Variants in GRIK3 observed in about 807,000 individuals in gnomAD.
GRIK3 encodes the protein glutamate receptor ionotropic, kainate 3.
A neutral mutation model predicts 102.5 loss-of-function variants in GRIK3; 29 were observed. That is an observed-to-expected ratio of 0.28 (90% confidence interval 0.21 to 0.39). The LOEUF (loss-of-function observed/expected upper bound fraction) is 0.39. Among genes scored for constraint, GRIK3 ranks in the 10% least tolerant of loss-of-function variants. GRIK3 has a pLI of 1.00. For synonymous variants in GRIK3, 511 were observed against 504.9 expected (o/e 1.01, Z -0.16); for missense variants, 908 against 1,252.4 (o/e 0.73, Z 4.15).
rs528793904 is a variant in GRIK3, at chr1:36,799,277, C to T, written c.*2574G>A. The T allele has an allele frequency of 6.6e-6, 1 of 152,344 alleles. No homozygotes were observed. The highest frequency in any genetic ancestry group is 2.1e-4 in the South Asian group (1 of 4,810). 9.4% of individuals were successfully genotyped at this position (152,344 alleles called of 1,614,324 possible). A position where few individuals can be genotyped will look rare whatever the true frequency, so the allele number is the denominator to read the frequency against. On this transcript the variant is annotated 3_prime_UTR_variant, in exon 16 of 16. Coordinates refer to ENST00000373091, the MANE Select transcript of GRIK3 (RefSeq NM_000831.4). The stretch of plus-strand genomic sequence containing the variant: ...AACCTCTCTGTGACAAATGATCTCT[C>T]CCATGACAGAAGTGCAAACAGACCC...
chr1:36,835,574 A>G (rs1190034456), intron 10 of GRIK3, among the ~76,000 whole-genome samples: 3 of 152,098 alleles, frequency 2.0e-5, no homozygotes, highest in Admixed American at 6.5e-5. Flanking sequence ...CCCTGGCATC[A>G]CAACCCCTAA....
At position 36,880,240 on chromosome 1, in the gene GRIK3, T is replaced by C. The variant is rs1640956078; in HGVS notation, c.550+394A>G. On this transcript the variant is annotated intron_variant, in intron 3 of 15. Coordinates refer to ENST00000373091, the MANE Select transcript of GRIK3 (RefSeq NM_000831.4). This position sits in a 1 kb window ranked among gnomAD's most constrained non-coding sequence, Gnocchi z 5.4. The stretch of plus-strand genomic sequence containing the variant: ...ACTAGGCCACGCCATAAGCTATGTG[T>C]GTGAGTGTGCAAGTGTGAGGGTGGA... 6.6e-6 allele frequency among the ~76,000 whole-genome samples: 1 copy of C among 152,076 alleles called. No homozygotes were observed. Among genetic ancestry groups the C allele is most frequent in the African/African-American group, 2.4e-5 (1 of 41,398 alleles).
chr1:36,843,485 A>C (rs1395035458), intron 9 of GRIK3, among the ~76,000 whole-genome samples: 1 of 152,232 alleles, frequency 6.6e-6, no homozygotes, highest in Non-Finnish European at 1.5e-5. Context: ...TAAGTTGCCC[A>C]AAATCACACA....
At chr1:36,963,829 A>G (rs1403424388) in intron 1 of GRIK3, among the ~76,000 whole-genome samples, 1 of 152,212 alleles carries the variant, frequency 6.6e-6, no homozygotes, top group Non-Finnish European at 1.5e-5. Context: ...TCTGCATTGA[A>G]TGGCTGTATG....
intron 7 of GRIK3, among the ~76,000 whole-genome samples, chr1:36,857,444 G>A (rs1403192969): frequency 2.6e-5 from 4 of 152,202 alleles, no homozygotes; most frequent in Admixed American, 2.0e-4. Flanking sequence ...GGATCATCAG[G>A]CCCTCCTATG....
intron 1 of GRIK3, among the ~76,000 whole-genome samples, chr1:36,926,754 C>T (rs1241578692): frequency 6.6e-6 from 1 of 152,172 alleles, no homozygotes; most frequent in Non-Finnish European, 1.5e-5. Context: ...TTGTCTCCAG[C>T]ACCAGGACCA....
At chr1:36,969,163 G>A (rs957048533) in intron 1 of GRIK3, among the ~76,000 whole-genome samples, 6 of 152,328 alleles carry the variant, frequency 3.9e-5, no homozygotes, top group Admixed American at 6.5e-5. Flanking sequence ...CATGCCAAGA[G>A]TGTCAACAGG....
chr1:37,032,070 A>G (rs538900052), intron 1 of GRIK3, among the ~76,000 whole-genome samples: 18 of 152,318 alleles, frequency 1.2e-4, no homozygotes, highest in African/African-American at 3.6e-4. Context: ...GAAGAAGATT[A>G]GAAGAGAGGA....
At chr1:36,805,682 A>T (rs1642490892) in intron 14 of GRIK3, among the ~76,000 whole-genome samples, 2 of 152,174 alleles carry the variant, frequency 1.3e-5, no homozygotes. Flanking sequence ...CATGCCTGTA[A>T]TCCCAGCACT....
At chr1:36,817,448 A>G (rs1642644260) in intron 12 of GRIK3, among the ~76,000 whole-genome samples, 171 bp from the exon 13 acceptor site, 1 of 152,194 alleles carries the variant, frequency 6.6e-6, no homozygotes, top group Non-Finnish European at 1.5e-5. Flanking sequence ...ATCACCTGGA[A>G]CTTGTTAGAA....
At chr1:36,845,427 G>A (rs180917874) in intron 9 of GRIK3, among the ~76,000 whole-genome samples, 29 of 152,286 alleles carry the variant, frequency 1.9e-4, no homozygotes, top group Middle Eastern at 3.4e-3. Flanking sequence ...CTCTTGGTCC[G>A]GTTTCTCTCC....
intron 1 of GRIK3, among the ~76,000 whole-genome samples, chr1:37,011,918 C>A (rs1642600538): frequency 6.6e-6 from 1 of 152,128 alleles, no homozygotes; most frequent in Non-Finnish European, 1.5e-5. Context: ...GGAAAGCAAA[C>A]CTTTTTGGGG....
intron 10 of GRIK3, among the ~76,000 whole-genome samples, chr1:36,840,592 T>A (rs1317451099): frequency 2.2e-5 from 3 of 138,570 alleles, no homozygotes; most frequent in Non-Finnish European, 3.1e-5. Flanking sequence ...CCAGGTGGAG[T>A]GCCTCGTGCC....
chr1:36,859,307 A>T (rs1334876747), intron 6 of GRIK3, 56 bp from the exon 7 acceptor site: 1 of 1,541,868 alleles, frequency 6.5e-7, no homozygotes, highest in African/African-American at 1.4e-5. Context: ...TCCTCAGCCC[A>T]CCCTGCCCTG....
chr1:37,024,792 A>C (rs1642751127), intron 1 of GRIK3, among the ~76,000 whole-genome samples: 1 of 151,370 alleles, frequency 6.6e-6, no homozygotes, highest in Non-Finnish European at 1.5e-5. Context: ...ACAGGTGGGA[A>C]GTGAGGGAGG....
chr1:36,838,079 C>T (rs1042247463), intron 10 of GRIK3, among the ~76,000 whole-genome samples: 2 of 152,200 alleles, frequency 1.3e-5, no homozygotes, highest in South Asian at 2.1e-4. Context: ...GAGGCTGTCC[C>T]TGGAAGGAAC....
Position 36,872,208 on chromosome 1 carries a change from C to T in GRIK3, c.712G>A (p.Ala238Thr), listed in dbSNP as rs1203432211. ...RIIFDCSHTM[A>T]AQILKQAMAM... ...CGCACCTGCTTGAGGATCTGGGCCG[C>T]CATAGTGTGGCTGCAGTCGAAGATA... The change falls in exon 4 of 16, where the codon GCG becomes ACG. Residue 238 changes from alanine (A) to threonine (T), a missense_variant. Physicochemically the swap from Ala to Thr is moderately conservative, Grantham distance 58. Transcript: ENST00000373091. This position sits in a 1 kb window ranked among gnomAD's most constrained non-coding sequence, Gnocchi z 5.9. The T allele has an allele frequency of 1.2e-6, 2 of 1,605,396 alleles. No individual in the cohort carries two copies. The highest frequency in any genetic ancestry group is 1.7e-6 in the Non-Finnish European group (2 of 1,175,042).
intron 1 of GRIK3, among the ~76,000 whole-genome samples, chr1:36,929,141 G>A (rs1007616210): frequency 2.0e-5 from 3 of 152,120 alleles, no homozygotes; most frequent in Non-Finnish European, 4.4e-5. Flanking sequence ...AAGGGATGAA[G>A]CTGGGCTTCA....
intron 7 of GRIK3, among the ~76,000 whole-genome samples, chr1:36,858,871 C>A (rs1442133550): frequency 2.6e-5 from 4 of 152,242 alleles, no homozygotes; most frequent in Non-Finnish European, 4.4e-5. Flanking sequence ...GCTGGCAATG[C>A]TGACCAGCTG....
Sources: gnomAD v4.1 joint callset for allele counts (sites outside exome capture counted in the v4.1 genomes callset) on GRCh38, gnomAD v4.1.1 for gene constraint, Gnocchi (gnomAD v3.1) non-coding constraint, MANE v1.5 for transcripts, NCBI Gene and HGNC (gene_info 2026-07-23, HGNC 2026-07-21) for gene names.